ECT2: variants seen among roughly 807,000 people sequenced by gnomAD.
ECT2 encodes epithelial cell transforming 2, also known as protein ECT2.
Under a neutral mutation model 116.9 loss-of-function variants are expected in ECT2, and 61 were observed. The observed-to-expected ratio is 0.52, with a 90% confidence interval of 0.42 to 0.65. The LOEUF (loss-of-function observed/expected upper bound fraction) is 0.65. Ranked by LOEUF, ECT2 falls within the 30% of genes least tolerant of loss-of-function variation. The pLI is 0.00. For synonymous variants in ECT2, 358 were observed against 346.4 expected, an observed-to-expected ratio of 1.03 and a Z score of -0.37; for missense variants, 937 against 1,078.7, an observed-to-expected ratio of 0.87 and a Z score of 1.84.
At chr3:172,767,716 G>A (rs1719770397) in intron 12 of ECT2, among the ~76,000 whole-genome samples, 1 of 146,646 alleles carries the variant, frequency 6.8e-6, no homozygotes, top group Non-Finnish European at 1.5e-5. Flanking sequence ...CTATAGATAT[G>A]TGTATAGATT....
chr3:172,754,701 T>C, intron 2 of ECT2, 41 bp downstream of exon 2: 2 of 1,480,550 alleles, frequency 1.4e-6, no homozygotes, highest in Admixed American at 4.2e-5. Flanking sequence ...ATTTCTATTT[T>C]AATTCTAAAC....
At chr3:172,782,583 A>G (rs1005045355) in intron 15 of ECT2, among the ~76,000 whole-genome samples, 4 of 152,184 alleles carry the variant, frequency 2.6e-5, no homozygotes, top group African/African-American at 7.2e-5. Context: ...CGGGTTTATT[A>G]TATAGGTAAA....
In ECT2 at chr3:172,821,007, T is replaced by C. The variant is rs1480165957; in HGVS notation, c.*770T>C. ...AATCTTGATTTAGTTTGATAGTGTG[T>C]GGAATTTTATTTTGAAGGATAAGAC... On this transcript the variant is annotated 3_prime_UTR_variant, in exon 25 of 25. Coordinates refer to ENST00000392692, the MANE Select transcript of ECT2 (RefSeq NM_001258315.2). 1 of 151,950 alleles carries C rather than the reference T, an allele frequency of 6.6e-6. No homozygotes were observed. The highest frequency in any genetic ancestry group is 1.9e-4 in the East Asian group (1 of 5,200). The allele number at this position is 151,950 out of a possible 1,614,324, so 9.4% of individuals were successfully genotyped here.
At chr3:172,770,970 G>T (rs1034559163) in intron 13 of ECT2, among the ~76,000 whole-genome samples, 1 of 152,120 alleles carries the variant, frequency 6.6e-6, no homozygotes. Context: ...TTTAGGGAAG[G>T]TATTGGCCTG....
At chr3:172,816,652 A>C (rs377659712) in intron 23 of ECT2, 39 bp from the exon 24 acceptor site, 132 of 1,524,504 alleles carry the variant, frequency 8.7e-5, no homozygotes, top group Non-Finnish European at 1.1e-4. Context: ...AGCTGTATTG[A>C]ATTTGTCTAG....
At chr3:172,796,420 C>T (rs1032492169) in intron 18 of ECT2, 1 of 152,104 alleles carries the variant, frequency 6.6e-6, no homozygotes, top group Admixed American at 6.5e-5. Context: ...AATAAAATTG[C>T]AGTAGGTTTT....
At chr3:172,814,511 T>C (rs1165380215) in intron 22 of ECT2, among the ~76,000 whole-genome samples, 2 of 152,114 alleles carry the variant, frequency 1.3e-5, no homozygotes, top group Non-Finnish European at 2.9e-5. Flanking sequence ...AAAGTGCAAA[T>C]TGCTTATAGG....
At chr3:172,826,138 G>A (rs565825584), downstream of ECT2, among the ~76,000 whole-genome samples, 19 of 152,152 alleles carry the variant, frequency 1.2e-4, no homozygotes, top group South Asian at 1.7e-3. Flanking sequence ...CAGGTCATCC[G>A]CCCACCTCGG....
intron 14 of ECT2, 69 bp downstream of exon 14, chr3:172,774,091 G>A (rs1721201051): frequency 1.4e-6 from 2 of 1,475,618 alleles, no homozygotes; most frequent in South Asian, 1.2e-5. Flanking sequence ...GATCTTTGAG[G>A]TACTTCTGGT....
chr3:172,771,042 CT>C (rs926240514), intron 13 of ECT2, among the ~76,000 whole-genome samples: 2 of 151,950 alleles, frequency 1.3e-5, no homozygotes, highest in African/African-American at 2.4e-5. Context: ...TCGAAGTGAA[CT>C]TTTTTTTCTA....
At chr3:172,797,452 TC>T (rs970512918) in intron 18 of ECT2, among the ~76,000 whole-genome samples, 20 of 152,236 alleles carry the variant, frequency 1.3e-4, no homozygotes, top group African/African-American at 4.6e-4. Context: ...TCAGCTTTTT[TC>T]TGTCAGCTTT....
intron 8 of ECT2, among the ~76,000 whole-genome samples, chr3:172,761,953 C>T (rs915236468): frequency 1.3e-5 from 2 of 151,880 alleles, no homozygotes; most frequent in African/African-American, 4.8e-5. Flanking sequence ...CTAAATAATT[C>T]TGTGTATTTG....
At chr3:172,765,158 C>T (rs184684106) in intron 12 of ECT2, among the ~76,000 whole-genome samples, 3 of 152,320 alleles carry the variant, frequency 2.0e-5, no homozygotes, top group Non-Finnish European at 2.9e-5. Flanking sequence ...GTCCTTTCAA[C>T]GCATTCCAAC....
chr3:172,755,643 G>C, intron 4 of ECT2, 68 bp downstream of exon 4: 1 of 863,910 alleles, frequency 1.2e-6, no homozygotes, highest in Middle Eastern at 2.5e-4. Flanking sequence ...CTACTTTCTG[G>C]TGATTGGAAT....
chr3:172,759,030 A>G lies in ECT2; in HGVS notation c.537A>G (p.Leu179=), dbSNP rs766821338. The change falls in exon 6 of 25, where the codon CTA becomes CTG. Residue 179 remains leucine, a synonymous_variant. Transcript: ENST00000392692. ...RPLYCTSMMN[L]VLCFTGFRKK... ...TGTATTGTACAAGTATGATGAATCT[A>G]GTACTATGCTTTACTGGATTTAGGA... The G allele has an allele frequency of 1.9e-6, 3 of 1,610,476 alleles. No individual in the cohort carries two copies. Among genetic ancestry groups the G allele is most frequent in the South Asian group, 1.1e-5 (1 of 89,948 alleles).
At chr3:172,825,011 T>A (rs1730807891), downstream of ECT2, among the ~76,000 whole-genome samples, 4 of 152,246 alleles carry the variant, frequency 2.6e-5, no homozygotes, top group Admixed American at 2.6e-4. Context: ...ACTAGAGATT[T>A]GTAGCAATGC....
downstream of ECT2, among the ~76,000 whole-genome samples, chr3:172,822,743 T>C (rs573993442): frequency 2.0e-5 from 3 of 152,044 alleles, no homozygotes; most frequent in South Asian, 2.1e-4. Flanking sequence ...GGAAAAAGAA[T>C]CAAGTTGAAC....
At chr3:172,811,401 A>G (rs1484825903) in intron 22 of ECT2, among the ~76,000 whole-genome samples, 2 of 152,148 alleles carry the variant, frequency 1.3e-5, no homozygotes, top group African/African-American at 4.8e-5. Context: ...ATTTTATTAT[A>G]TTCTTAGCCA....
At chr3:172,768,921 C>A in intron 12 of ECT2, 86 bp from the exon 13 acceptor site, 1 of 1,394,316 alleles carries the variant, frequency 7.2e-7, no homozygotes, top group Non-Finnish European at 9.6e-7. Context: ...AGTAGGTTTT[C>A]TCTCCTTTTT....
Sources: gnomAD v4.1 joint callset for allele counts (sites outside exome capture counted in the v4.1 genomes callset) on GRCh38, gnomAD v4.1.1 for gene constraint, MANE v1.5 for transcripts, NCBI Gene and HGNC (gene_info 2026-07-23, HGNC 2026-07-21) for gene names.